Variants in EYS observed in about 807,000 individuals in gnomAD.
The protein encoded by EYS is protein eyes shut homolog.
In EYS, 250 loss-of-function variants were observed where a neutral mutation model predicts 282.1. The observed-to-expected ratio is 0.89, with a 90% CI of 0.80 to 0.98. The LOEUF is 0.98. Ranked by LOEUF, EYS falls within the 50% of genes least tolerant of loss-of-function variation. The pLI is 0.00. For synonymous variants in EYS, 1,355 were observed against 1,282.9 expected, an observed-to-expected ratio of 1.06 and a Z score of -1.20; for missense variants, 4,016 against 3,709.0, an observed-to-expected ratio of 1.08 and a Z score of -2.15.
intron 12 of EYS, among the ~76,000 whole-genome samples, chr6:65,103,782 C>T (rs1774957999): frequency 6.6e-6 from 1 of 151,324 alleles, no homozygotes; most frequent in Admixed American, 6.6e-5. Flanking sequence ...ACTTAATAAC[C>T]TAGCTTGTTC....
chr6:64,189,910 T>G (rs1765052818), intron 31 of EYS, among the ~76,000 whole-genome samples: 1 of 152,222 alleles, frequency 6.6e-6, no homozygotes, highest in Non-Finnish European at 1.5e-5. Context: ...AAAAGTTTCC[T>G]GACCCCTGTG....
At chr6:64,773,440 C>T (rs942164142) in intron 22 of EYS, among the ~76,000 whole-genome samples, 1 of 151,780 alleles carries the variant, frequency 6.6e-6, no homozygotes, top group African/African-American at 2.4e-5. Context: ...AATGAATATA[C>T]ATGTGCATGT....
chr6:64,990,956 G>T (rs754855365), intron 14 of EYS, among the ~76,000 whole-genome samples: 2 of 151,444 alleles, frequency 1.3e-5, no homozygotes, highest in Admixed American at 1.3e-4. Flanking sequence ...CAAAACAATA[G>T]TTTAAAAGGG....
At chr6:63,753,772 G>A (rs1769406681) in intron 41 of EYS, among the ~76,000 whole-genome samples, 1 of 152,110 alleles carries the variant, frequency 6.6e-6, no homozygotes, top group Admixed American at 6.5e-5. Context: ...CTTTTCTTCT[G>A]CTCTCACTGG....
At chr6:65,446,953 T>A (rs1277571843) in intron 5 of EYS, among the ~76,000 whole-genome samples, 1 of 151,764 alleles carries the variant, frequency 6.6e-6, no homozygotes, top group African/African-American at 2.4e-5. Flanking sequence ...TCATATAATA[T>A]TAGTTATCAA....
chr6:65,582,344 T>A (rs943112632), intron 2 of EYS, among the ~76,000 whole-genome samples: 1 of 152,152 alleles, frequency 6.6e-6, no homozygotes, highest in African/African-American at 2.4e-5. Flanking sequence ...TCTGGAGTTA[T>A]GTATTAAGAC....
intron 14 of EYS, among the ~76,000 whole-genome samples, chr6:64,963,415 C>T (rs1313723712): frequency 6.6e-6 from 1 of 152,110 alleles, no homozygotes; most frequent in African/African-American, 2.4e-5. Flanking sequence ...CTTTACCTCT[C>T]CCTTCGTTCA....
At chr6:63,932,112 CT>C (rs1562101703) in intron 35 of EYS, among the ~76,000 whole-genome samples, 1 of 152,170 alleles carries the variant, frequency 6.6e-6, no homozygotes. Flanking sequence ...GCTTATTTCA[CT>C]CAACAAAATG....
intron 12 of EYS, among the ~76,000 whole-genome samples, chr6:65,220,587 A>T (rs1052631059): frequency 1.3e-5 from 2 of 152,154 alleles, no homozygotes; most frequent in African/African-American, 4.8e-5. Context: ...TTTATAAATT[A>T]CTCAGTCTTG....
In EYS at chr6:65,667,953, T is replaced by C. The variant is rs1426550183; in HGVS notation, c.-447-28061A>G. Among the ~76,000 whole-genome samples the C allele has an allele frequency of 3.3e-5, 5 of 151,896 alleles. No individual in the cohort carries two copies. The East Asian group carries it at 7.7e-4, about 23-fold the overall frequency. On this transcript the variant is annotated intron_variant, in intron 1 of 42. Coordinates refer to ENST00000503581, the MANE Select transcript of EYS (RefSeq NM_001142800.2). ...ATGGTAATGGGGTGAGTGGTTGATATGTATTGTACAACAGCAACTGAGAAA... is the reference window on the plus strand; with the variant it reads ...ATGGTAATGGGGTGAGTGGTTGATACGTATTGTACAACAGCAACTGAGAAA...
At chr6:64,032,076 C>T (rs1035002510) in intron 33 of EYS, among the ~76,000 whole-genome samples, 3 of 152,092 alleles carry the variant, frequency 2.0e-5, no homozygotes, top group Non-Finnish European at 4.4e-5. Flanking sequence ...AGCGAGACCA[C>T]GAACTCACCG....
At chr6:64,324,183 T>A (rs1276139105) in intron 29 of EYS, among the ~76,000 whole-genome samples, 1 of 152,064 alleles carries the variant, frequency 6.6e-6, no homozygotes, top group African/African-American at 2.4e-5. Context: ...CGACAAAGAA[T>A]GGAAACTTCA....
chr6:65,487,991 G>C (rs1389892604), intron 5 of EYS, among the ~76,000 whole-genome samples: 1 of 152,102 alleles, frequency 6.6e-6, no homozygotes, highest in Non-Finnish European at 1.5e-5. Context: ...TCTGATGGTA[G>C]TTTGTATTTC....
intron 12 of EYS, among the ~76,000 whole-genome samples, chr6:65,280,613 G>T (rs527673009): frequency 1.3e-5 from 2 of 152,004 alleles, no homozygotes; most frequent in African/African-American, 2.4e-5. Context: ...ACTTTTACAT[G>T]ATTTCATTTT....
chr6:64,222,322 C>T (rs1016131661), intron 31 of EYS, among the ~76,000 whole-genome samples: 2 of 152,044 alleles, frequency 1.3e-5, no homozygotes, highest in African/African-American at 4.8e-5. Flanking sequence ...ATCAAAGGCA[C>T]ATCGCATGTT....
intron 8 of EYS, among the ~76,000 whole-genome samples, chr6:65,379,151 G>C (rs1033871613): frequency 6.6e-6 from 1 of 152,076 alleles, no homozygotes; most frequent in African/African-American, 2.4e-5. Context: ...AAACCTGGAA[G>C]AGACACAATG....
chr6:64,471,913 A>G (rs2150492838), intron 26 of EYS, among the ~76,000 whole-genome samples: 1 of 152,310 alleles, frequency 6.6e-6, no homozygotes, highest in South Asian at 2.1e-4. Context: ...CAGTAGGGTG[A>G]CTGTAGTTAA....
intron 5 of EYS, among the ~76,000 whole-genome samples, chr6:65,430,975 G>T (rs1172582399): frequency 6.6e-6 from 1 of 152,148 alleles, no homozygotes; most frequent in African/African-American, 2.4e-5. Flanking sequence ...GGCCATGGGG[G>T]AAAAACATCC....
At chr6:64,963,297 T>TG (rs1164444810) in intron 14 of EYS, among the ~76,000 whole-genome samples, 3 of 152,190 alleles carry the variant, frequency 2.0e-5, no homozygotes, top group Admixed American at 2.0e-4. Flanking sequence ...ATATATAGAC[T>TG]TAGTAAATAT....
Sources: gnomAD v4.1 joint callset for allele counts (sites outside exome capture counted in the v4.1 genomes callset) on GRCh38, gnomAD v4.1.1 for gene constraint, MANE v1.5 for transcripts, NCBI Gene and HGNC (gene_info 2026-07-23, HGNC 2026-07-21) for gene names.